TSPAN11: variants seen among roughly 807,000 people sequenced by gnomAD.
TSPAN11 encodes the protein tetraspanin 11, also known as tetraspanin-11.
TSPAN11 carries 29 observed loss-of-function variants against 32.9 expected under a neutral mutation model. The observed-to-expected ratio is 0.88, with a 90% CI of 0.66 to 1.20. The LOEUF is 1.20. Among genes scored for constraint, TSPAN11 ranks in the 50% most tolerant of loss-of-function variants. The probability of loss-of-function intolerance (pLI) is 0.00; values close to 1 mark genes in which losing one functional copy is unlikely to be tolerated. For synonymous variants in TSPAN11, 140 were observed against 141.3 expected (o/e 0.99, Z 0.07); for missense variants, 283 against 329.1 (o/e 0.86, Z 1.08).
At chr12:30,972,133 G>A (rs1420934323) in intron 3 of TSPAN11, among the ~76,000 whole-genome samples, 3 of 152,168 alleles carry the variant, frequency 2.0e-5, no homozygotes, top group South Asian at 2.1e-4. Flanking sequence ...ACCTGTTTCC[G>A]TCAGACCACA....
At chr12:30,944,370 C>A (rs909186997) in intron 1 of TSPAN11, among the ~76,000 whole-genome samples, 1 of 152,206 alleles carries the variant, frequency 6.6e-6, no homozygotes, top group Non-Finnish European at 1.5e-5. Flanking sequence ...CTTTGACCAT[C>A]ATCTCCCTAA....
chr12:30,955,542 A>G (rs1293693696), intron 2 of TSPAN11, among the ~76,000 whole-genome samples: 1 of 152,240 alleles, frequency 6.6e-6, no homozygotes, highest in Non-Finnish European at 1.5e-5. Flanking sequence ...CATTAAGTTC[A>G]TTTCAAAATG....
intron 2 of TSPAN11, among the ~76,000 whole-genome samples, chr12:30,962,016 A>C (rs1324895567): frequency 6.6e-6 from 1 of 152,112 alleles, no homozygotes; most frequent in Admixed American, 6.5e-5. Flanking sequence ...ATTGAATCTA[A>C]GATATCATCA....
chr12:30,931,084 T>C (rs1592456690), intron 1 of TSPAN11, among the ~76,000 whole-genome samples: 1 of 152,158 alleles, frequency 6.6e-6, no homozygotes, highest in Non-Finnish European at 1.5e-5. Context: ...CCCTCCTTGA[T>C]GGTAGTGTGG....
At chr12:30,947,688 C>G (rs1278053402) in intron 1 of TSPAN11, among the ~76,000 whole-genome samples, 1 of 152,172 alleles carries the variant, frequency 6.6e-6, no homozygotes, top group Non-Finnish European at 1.5e-5. Flanking sequence ...GGGGGTCCCT[C>G]CCACAACATA....
At chr12:30,947,548 G>A (rs1938293400) in intron 1 of TSPAN11, among the ~76,000 whole-genome samples, 1 of 152,302 alleles carries the variant, frequency 6.6e-6, no homozygotes, top group African/African-American at 2.4e-5. Context: ...TTCCTACATG[G>A]TGGTGGCAAA....
the TSPAN11 span, among the ~76,000 whole-genome samples, chr12:31,009,173 C>T: frequency 6.6e-6 from 1 of 152,232 alleles, no homozygotes; most frequent in Non-Finnish European, 1.5e-5. Flanking sequence ...ACACCTCTGC[C>T]TCCAGACCCT....
chr12:30,944,139 A>G (rs1410391328), intron 1 of TSPAN11, among the ~76,000 whole-genome samples: 1 of 152,048 alleles, frequency 6.6e-6, no homozygotes, highest in East Asian at 1.9e-4. Flanking sequence ...AACTGTATGT[A>G]TTTACCATGT....
chr12:30,999,696 C>T (rs12099632), downstream of TSPAN11, among the ~76,000 whole-genome samples: 858 of 152,166 alleles, frequency 5.6e-3, 7 homozygotes, highest in African/African-American at 0.02. Context: ...AATAGGGTAC[C>T]ATCTGTCTTG....
the TSPAN11 span, among the ~76,000 whole-genome samples, chr12:31,004,551 C>T: frequency 2.0e-5 from 3 of 152,140 alleles, no homozygotes; most frequent in Admixed American, 6.6e-5. Flanking sequence ...CTTCCACTTG[C>T]CCAATGGGGT....
At chr12:30,972,593 G>C (rs1360988203) in intron 3 of TSPAN11, among the ~76,000 whole-genome samples, 1 of 152,164 alleles carries the variant, frequency 6.6e-6, no homozygotes, top group Non-Finnish European at 1.5e-5. Context: ...TGCACACACA[G>C]GAGTGTTTCT....
chr12:30,991,047 C>G (rs1410970706), intron 7 of TSPAN11, among the ~76,000 whole-genome samples: 1 of 152,174 alleles, frequency 6.6e-6, no homozygotes, highest in Non-Finnish European at 1.5e-5. Context: ...AGCTCCTCTG[C>G]ATTCTGGAAG....
At chr12:30,939,622 T>C (rs1347558754) in intron 1 of TSPAN11, among the ~76,000 whole-genome samples, 1 of 152,192 alleles carries the variant, frequency 6.6e-6, no homozygotes, top group Non-Finnish European at 1.5e-5. Context: ...TTGCCAACAC[T>C]GAGATCACAC....
intron 2 of TSPAN11, among the ~76,000 whole-genome samples, chr12:30,958,971 C>G (rs987753572): frequency 1.3e-5 from 2 of 152,146 alleles, no homozygotes; most frequent in African/African-American, 4.8e-5. Flanking sequence ...AGAGAAAAAG[C>G]CTATTCCTCT....
At chr12:30,934,174 A>G (rs1183755648) in intron 1 of TSPAN11, among the ~76,000 whole-genome samples, 1 of 152,250 alleles carries the variant, frequency 6.6e-6, no homozygotes, top group Admixed American at 6.5e-5. Context: ...GGCCAGGCCC[A>G]GGTGGACAGG....
chr12:30,984,784 T>C (rs1388675819), intron 7 of TSPAN11, among the ~76,000 whole-genome samples: 2 of 152,026 alleles, frequency 1.3e-5, no homozygotes, highest in East Asian at 3.9e-4. Flanking sequence ...TCTCGAACTC[T>C]TGACCTCAGG....
At chr12:30,981,441 A>G (rs1394635296) in intron 5 of TSPAN11, among the ~76,000 whole-genome samples, 1 of 152,218 alleles carries the variant, frequency 6.6e-6, no homozygotes, top group Admixed American at 6.5e-5. Context: ...GCATGGAGGT[A>G]CTTTTGTTGT....
intron 4 of TSPAN11, 28 bp from the exon 5 acceptor site, chr12:30,979,538 A>C (rs1282718520): frequency 1.9e-6 from 3 of 1,611,248 alleles, no homozygotes; most frequent in Non-Finnish European, 2.5e-6. Flanking sequence ...GGTCCCGCTG[A>C]TGGGGACTTC....
Position 30,963,832 on chromosome 12 carries a change from G to A in TSPAN11, c.91G>A (p.Gly31Arg), listed in dbSNP as rs1187578481. Reference protein sequence around the residue: ...FVFNFFFWVGGAAVLAVGIWT... With the variant: ...FVFNFFFWVGRAAVLAVGIWT... ...ACCCGGTGGTCTCCTGCAGGTCGGG[G>A]GAGCAGCCGTCCTGGCTGTGGGCAT... is the stretch of plus-strand genomic sequence containing the variant. The change falls in exon 3 of 8, where the codon GGA (glycine) becomes AGA (arginine). Residue 31 changes from glycine (G) to arginine (R), a missense_variant. Physicochemically the swap from Gly to Arg is moderately radical, Grantham distance 125 (BLOSUM62 -2). Transcript: ENST00000546076. 1.2e-6 allele frequency: 2 copies of A among 1,607,450 alleles called. No homozygotes were observed. Among genetic ancestry groups the A allele is most frequent in the South Asian group, 1.1e-5 (1 of 91,042 alleles).
Sources: gnomAD v4.1 joint callset for allele counts (sites outside exome capture counted in the v4.1 genomes callset) on GRCh38, gnomAD v4.1.1 for gene constraint, MANE v1.5 for transcripts, NCBI Gene and HGNC (gene_info 2026-07-23, HGNC 2026-07-21) for gene names.